Variants in FNBP1L observed in about 807,000 individuals in gnomAD.
FNBP1L encodes the protein formin-binding protein 1-like.
Under a neutral mutation model 91.2 loss-of-function variants are expected in FNBP1L, and 36 were observed. The observed-to-expected ratio is 0.39, with a 90% confidence interval of 0.30 to 0.52. The LOEUF (loss-of-function observed/expected upper bound fraction) is 0.52, where lower values mean the gene tolerates loss of function less well. Ranked by LOEUF, FNBP1L falls within the 20% of genes least tolerant of loss-of-function variation. FNBP1L has a pLI of 0.66. For synonymous variants in FNBP1L, 242 were observed against 237.0 expected (o/e 1.02, Z -0.19); for missense variants, 571 against 732.1 (o/e 0.78, Z 2.54).
chr1:93,512,287 C>G (rs1003762082), intron 2 of FNBP1L, among the ~76,000 whole-genome samples: 1 of 151,828 alleles, frequency 6.6e-6, no homozygotes, highest in African/African-American at 2.4e-5. Context: ...CCTGAGTGAC[C>G]TACAAAGAGA....
At chr1:93,514,874 T>C (rs1671022590) in intron 2 of FNBP1L, among the ~76,000 whole-genome samples, 2 of 152,050 alleles carry the variant, frequency 1.3e-5, no homozygotes, top group Middle Eastern at 3.2e-3. Context: ...ACTTCATGTC[T>C]AAAACACCAA....
chr1:93,450,953 G>A (rs956684701), intron 1 of FNBP1L, among the ~76,000 whole-genome samples: 4 of 152,220 alleles, frequency 2.6e-5, no homozygotes, highest in Non-Finnish European at 5.9e-5. Context: ...AGTGGATCGT[G>A]TCAGACTTTG....
intron 5 of FNBP1L, among the ~76,000 whole-genome samples, chr1:93,524,690 T>C (rs910768824): frequency 1.1e-4 from 16 of 151,486 alleles, no homozygotes; most frequent in Admixed American, 4.0e-4. Context: ...TCCTGAGGAC[T>C]GAGAATAATC....
At chr1:93,510,390 T>C (rs4568843) in intron 2 of FNBP1L, among the ~76,000 whole-genome samples, 114,376 of 130,130 alleles carry the variant, frequency 0.88, 49,451 homozygotes, top group East Asian at 0.97. Context: ...GACCTGCAGC[T>C]GAGGGTCCTG....
chr1:93,528,797 T>G (rs1042362716), intron 5 of FNBP1L, among the ~76,000 whole-genome samples: 3 of 152,082 alleles, frequency 2.0e-5, no homozygotes, highest in Non-Finnish European at 2.9e-5. Context: ...TGTGTTAGAA[T>G]TAACTGCAGT....
intron 9 of FNBP1L, among the ~76,000 whole-genome samples, chr1:93,536,079 T>C (rs1343113554): frequency 1.3e-5 from 2 of 152,106 alleles, no homozygotes; most frequent in East Asian, 3.8e-4. Context: ...GACAATATAA[T>C]TTGTGAACTC....
intron 2 of FNBP1L, among the ~76,000 whole-genome samples, chr1:93,500,235 A>C (rs1670401795): frequency 6.6e-6 from 1 of 152,200 alleles, no homozygotes; most frequent in South Asian, 2.1e-4. Context: ...CAAAAAATCC[A>C]ACCTAAACAG....
At chr1:93,520,939 G>A (rs1671298397) in intron 2 of FNBP1L, among the ~76,000 whole-genome samples, 3 of 152,136 alleles carry the variant, frequency 2.0e-5, no homozygotes, top group Admixed American at 1.3e-4. Context: ...CTATTTAGGA[G>A]GCTGAGGCTG....
chr1:93,527,669 A>G (rs1360571647), intron 5 of FNBP1L, among the ~76,000 whole-genome samples: 2 of 152,106 alleles, frequency 1.3e-5, no homozygotes, highest in Non-Finnish European at 2.9e-5. Context: ...CCCTAGAGGA[A>G]AATATCATAA....
At chr1:93,476,181 A>G (rs1669488025) in intron 1 of FNBP1L, among the ~76,000 whole-genome samples, 1 of 152,234 alleles carries the variant, frequency 6.6e-6, no homozygotes, top group Admixed American at 6.5e-5. Flanking sequence ...TGTACAAATG[A>G]TATGTAACTG....
At chr1:93,454,199 G>A (rs1037919467) in intron 1 of FNBP1L, among the ~76,000 whole-genome samples, 1 of 152,198 alleles carries the variant, frequency 6.6e-6, no homozygotes, top group East Asian at 1.9e-4. Flanking sequence ...CCTGAGTCTA[G>A]TGTTGCGTTT....
Position 93,530,883 on chromosome 1 carries a change from G to GCAACTACAA in FNBP1L, c.639_639+1insCAACTACAA (p.Gln214_Gln216dup). ...ATGTAGTGATTCCTCAGATTTACAA[G>GCAACTACAA]GTAAATCTTAGATATGAAGTTAATC... On this transcript the variant is annotated inframe_insertion and splice_region_variant. Coordinates refer to ENST00000271234, the MANE Select transcript of FNBP1L (RefSeq NM_001164473.3). 6.5e-7 allele frequency: 1 copy of GCAACTACAA among 1,528,664 alleles called. No homozygotes were observed. The allele number at this position is 1,528,664 out of a possible 1,614,324, so 94.7% of individuals were successfully genotyped here. A position where few individuals can be genotyped will look rare whatever the true frequency, so the allele number is the denominator to read the frequency against.
At chr1:93,456,670 C>G (rs758107777) in intron 1 of FNBP1L, among the ~76,000 whole-genome samples, 6 of 148,838 alleles carry the variant, frequency 4.0e-5, no homozygotes, top group African/African-American at 7.4e-5. Flanking sequence ...GTCCCAGCTA[C>G]TCAGGAGGCT....
intron 5 of FNBP1L, among the ~76,000 whole-genome samples, chr1:93,529,370 A>C (rs1671597632): frequency 6.6e-6 from 1 of 152,064 alleles, no homozygotes; most frequent in Non-Finnish European, 1.5e-5. Context: ...GAAAGGACAA[A>C]TTTTACTTAG....
intron 1 of FNBP1L, among the ~76,000 whole-genome samples, chr1:93,449,071 C>T (rs755573804): frequency 6.6e-6 from 1 of 152,254 alleles, no homozygotes; most frequent in Non-Finnish European, 1.5e-5. Context: ...CTCCCTGTTG[C>T]TTTACTTCCC....
chr1:93,474,237 C>T (rs1283350699), intron 1 of FNBP1L, among the ~76,000 whole-genome samples: 10 of 151,552 alleles, frequency 6.6e-5, no homozygotes, highest in Admixed American at 2.6e-4. Flanking sequence ...AGTGAGACTC[C>T]GTCTCAAAAA....
chr1:93,548,010 G>A (rs1270083476), intron 14 of FNBP1L, among the ~76,000 whole-genome samples: 2 of 152,104 alleles, frequency 1.3e-5, no homozygotes, highest in Non-Finnish European at 2.9e-5. Context: ...AGTGTAATCT[G>A]AGCAAGTTCA....
intron 6 of FNBP1L, 66 bp downstream of exon 6, chr1:93,529,822 G>T: frequency 1.1e-6 from 1 of 934,794 alleles, no homozygotes; most frequent in South Asian, 1.7e-5. Flanking sequence ...AAGTAGTCAC[G>T]ACATTTGTAT....
At position 93,449,419 on chromosome 1, in the gene FNBP1L, G is replaced by C. The variant is rs549232563; in HGVS notation, c.24+1114G>C. On this transcript the variant is annotated intron_variant, in intron 1 of 16. Transcript: ENST00000271234. Reference sequence around the variant, plus strand: ...CGTGCCTTTTGTTCGCGAGGATCTCGTGAAATCACTGCAGAGAAAGGGGAG... The same window carrying C: ...CGTGCCTTTTGTTCGCGAGGATCTCCTGAAATCACTGCAGAGAAAGGGGAG... Among the ~76,000 whole-genome samples the C allele has an allele frequency of 3.9e-5, 6 of 152,290 alleles. No homozygotes were observed. The South Asian group carries it at 1.0e-3, about 26-fold the overall frequency.
Sources: gnomAD v4.1 joint callset for allele counts (sites outside exome capture counted in the v4.1 genomes callset) on GRCh38, gnomAD v4.1.1 for gene constraint, MANE v1.5 for transcripts, NCBI Gene and HGNC (gene_info 2026-07-23, HGNC 2026-07-21) for gene names.